The following PCBD2 variants were observed in gnomAD, a reference collection of about 807,000 sequenced individuals.
PCBD2 encodes the protein pterin-4-alpha-carbinolamine dehydratase 2.
Under a neutral mutation model 16.4 loss-of-function variants are expected in PCBD2, and 12 were observed. That is an observed-to-expected ratio of 0.73 (90% CI 0.47 to 1.19). The LOEUF is 1.19. PCBD2 is among the 50% of genes most tolerant of loss of function. The pLI, the probability that PCBD2 is intolerant of heterozygous loss-of-function variation, is 0.00. For synonymous variants in PCBD2, 58 were observed against 61.8 expected, an observed-to-expected ratio of 0.94 and a Z score of 0.29; for missense variants, 138 against 156.8, an observed-to-expected ratio of 0.88 and a Z score of 0.64.
intron 2 of PCBD2, among the ~76,000 whole-genome samples, chr5:134,950,149 A>G (rs1175312165): frequency 1.3e-5 from 2 of 152,258 alleles, no homozygotes. Flanking sequence ...GCCTACAAAC[A>G]TAATGGTGAT....
chr5:134,913,892 G>T (rs1041006809), intron 2 of PCBD2, among the ~76,000 whole-genome samples: 8 of 152,150 alleles, frequency 5.3e-5, no homozygotes, highest in Admixed American at 2.0e-4. Flanking sequence ...AGTGTAAAGG[G>T]TAGTGCCACT....
intron 2 of PCBD2, 63 bp from the exon 3 acceptor site, chr5:134,958,977 G>C: frequency 7.6e-7 from 1 of 1,316,078 alleles, no homozygotes; most frequent in Non-Finnish European, 1.1e-6. Context: ...TTGCTCTGTT[G>C]TGTCTCTCAG....
intron 2 of PCBD2, among the ~76,000 whole-genome samples, chr5:134,947,242 G>A (rs1427508205): frequency 6.7e-6 from 1 of 150,178 alleles, no homozygotes; most frequent in African/African-American, 2.5e-5. Context: ...ACAGGCATGT[G>A]CCACCACACT....
intron 2 of PCBD2, among the ~76,000 whole-genome samples, chr5:134,949,381 G>T (rs2149539374): frequency 6.6e-6 from 1 of 152,206 alleles, no homozygotes; most frequent in East Asian, 1.9e-4. Flanking sequence ...ATAATCACTA[G>T]CATTAACTGA....
At chr5:134,941,999 G>A (rs560478346) in intron 2 of PCBD2, among the ~76,000 whole-genome samples, 3 of 150,364 alleles carry the variant, frequency 2.0e-5, no homozygotes, top group South Asian at 4.2e-4. Context: ...GCGTGGTGGC[G>A]GGTGCCTGTA....
chr5:134,922,250 C>G (rs532797356), intron 2 of PCBD2, among the ~76,000 whole-genome samples: 27 of 152,086 alleles, frequency 1.8e-4, no homozygotes, highest in Non-Finnish European at 3.5e-4. Context: ...GTTCGGTCAC[C>G]CAGGTTGCAG....
At chr5:134,959,933 C>A (rs1300262944) in intron 3 of PCBD2, among the ~76,000 whole-genome samples, 1 of 142,472 alleles carries the variant, frequency 7.0e-6, no homozygotes, top group Non-Finnish European at 1.5e-5. Context: ...CTCTGTTGCC[C>A]AGGCTGGAGT....
intron 2 of PCBD2, among the ~76,000 whole-genome samples, chr5:134,935,740 C>T (rs548669396): frequency 5.9e-5 from 9 of 152,268 alleles, no homozygotes; most frequent in African/African-American, 2.2e-4. Context: ...AAAATATAAA[C>T]CAGTTAAGAA....
chr5:134,935,929 A>G (rs1402726376), intron 2 of PCBD2, among the ~76,000 whole-genome samples: 1 of 152,162 alleles, frequency 6.6e-6, no homozygotes. Context: ...TGCTCTGTTG[A>G]TCTTTCTGGA....
At chr5:134,958,905 C>G (rs556718288) in intron 2 of PCBD2, 135 bp from the exon 3 acceptor site, 1 of 644,182 alleles carries the variant, frequency 1.6e-6, no homozygotes, top group Admixed American at 2.8e-5. Context: ...AGAGAGCAGT[C>G]CTTTCATAGT....
chr5:134,962,641 A>G lies in PCBD2; in HGVS notation c.*1960A>G, dbSNP rs1751492259. On this transcript the variant is annotated 3_prime_UTR_variant, in exon 4 of 4. Coordinates refer to ENST00000254908, the MANE Select transcript of PCBD2 (RefSeq NM_032151.5). ...TAATTAGATTAAACAAGTCACAAAA[A>G]TTGGATGAGCTATCTTGGTGTGTTT... Among the ~76,000 whole-genome samples, 1 of 152,208 alleles carries G rather than the reference A, an allele frequency of 6.6e-6. No homozygotes were observed. Among genetic ancestry groups the G allele is most frequent in the African/African-American group, 2.4e-5 (1 of 41,448 alleles).
chr5:134,955,663 A>G (rs17165411), intron 2 of PCBD2, among the ~76,000 whole-genome samples: 2,293 of 152,068 alleles, frequency 0.015, 58 homozygotes, highest in African/African-American at 0.053. Flanking sequence ...ATTCTTTTCT[A>G]GTTCTTCTAA....
intron 2 of PCBD2, among the ~76,000 whole-genome samples, chr5:134,919,817 G>T (rs1056117459): frequency 6.2e-4 from 94 of 152,310 alleles, no homozygotes; most frequent in African/African-American, 2.1e-3. Context: ...TCGTTAGTAT[G>T]CCTGCCCACC....
At chr5:134,932,580 G>A (rs1379165067) in intron 2 of PCBD2, among the ~76,000 whole-genome samples, 1 of 152,050 alleles carries the variant, frequency 6.6e-6, no homozygotes, top group Non-Finnish European at 1.5e-5. Context: ...GACCTCAAGT[G>A]ATCCCCCCTG....
chr5:134,925,083 G>A, intron 2 of PCBD2: 2 of 396,342 alleles, frequency 5.0e-6, no homozygotes, highest in Non-Finnish European at 8.9e-6. Flanking sequence ...ATAGGCTTCC[G>A]ATTGTTAGGC....
intron 2 of PCBD2, among the ~76,000 whole-genome samples, chr5:134,917,766 C>G (rs1750850790): frequency 6.6e-6 from 1 of 152,290 alleles, no homozygotes; most frequent in Admixed American, 6.5e-5. Flanking sequence ...TGGTGGTGCT[C>G]TGCACATCCT....
At chr5:134,909,069 C>G (rs1750732705) in intron 1 of PCBD2, 1 of 152,248 alleles carries the variant, frequency 6.6e-6, no homozygotes, top group African/African-American at 2.4e-5. Flanking sequence ...GTGTCCATAT[C>G]TTCTCTCTGG....
At chr5:134,925,923 GT>G in intron 2 of PCBD2, 1 of 392,124 alleles carries the variant, frequency 2.6e-6, no homozygotes, top group Non-Finnish European at 4.5e-6. Flanking sequence ...TGAAACCGAT[GT>G]CGCCGATACG....
At chr5:134,935,283 G>A (rs958551469) in intron 2 of PCBD2, among the ~76,000 whole-genome samples, 2 of 152,156 alleles carry the variant, frequency 1.3e-5, no homozygotes, top group African/African-American at 4.8e-5. Context: ...GCCTGACTGC[G>A]CCACTGCATC....
Sources: allele counts gnomAD v4.1 joint callset (sites outside exome capture counted in the v4.1 genomes callset), GRCh38; gene constraint gnomAD v4.1.1; transcripts MANE v1.5; gene names NCBI Gene and HGNC (gene_info 2026-07-23, HGNC 2026-07-21).